Variants in HR observed in about 807,000 individuals in gnomAD.
The protein encoded by HR is HR lysine demethylase and nuclear receptor corepressor, also known as lysine-specific demethylase hairless.
HR carries 83 observed loss-of-function variants against 128.6 expected under a neutral mutation model. The observed-to-expected ratio is 0.65, with a 90% CI of 0.54 to 0.77. The LOEUF is 0.77. HR is among the 30% of genes least tolerant of loss of function. HR has a pLI of 0.00. For missense variants in HR, 1,490 were observed against 1,574.6 expected (o/e 0.95, Z 0.91); for synonymous variants, 681 against 658.2 (o/e 1.03, Z -0.53).
intron 11 of HR, 93 bp from the exon 12 acceptor site, chr8:22,120,600 CG>C: frequency 6.3e-7 from 1 of 1,589,454 alleles, no homozygotes; most frequent in Non-Finnish European, 8.5e-7. Flanking sequence ...TAGAACAGCT[CG>C]GGGACAGCCC....
intron 14 of HR, among the ~76,000 whole-genome samples, chr8:22,119,489 C>T (rs1476762060): frequency 6.6e-6 from 1 of 152,088 alleles, no homozygotes; most frequent in Non-Finnish European, 1.5e-5. Flanking sequence ...TGCCTGTAAT[C>T]CCAGCTACTC....
Position 22,124,385 on chromosome 8 carries a change from G to A in HR, c.1751-572C>T, listed in dbSNP as rs1009757162. 5.3e-5 allele frequency among the ~76,000 whole-genome samples: 8 copies of A among 152,186 alleles called. 1 individual carries two copies. Among genetic ancestry groups the A allele is most frequent in the African/African-American group, 1.9e-4 (8 of 41,442 alleles). The stretch of plus-strand genomic sequence containing the variant: ...GCTGGGATTACAGGCATGAGCCACC[G>A]CGCCCAGCCAGGAGTGGGGTTTTCT... On this transcript the variant is annotated intron_variant, in intron 5 of 18. Coordinates refer to ENST00000381418, the MANE Select transcript of HR (RefSeq NM_005144.5).
At position 22,120,469 on chromosome 8, in the gene HR, G is replaced by A; in HGVS notation, c.2649C>T (p.Gly883=). Residue 883 remains glycine, a synonymous_variant, in exon 12 of 19, where the codon GGC becomes GGT. Transcript: ENST00000381418. ...CAAGAGCTTCTGTCCCCCACAGGTT[G>A]CCCTGCAATGTCCTTTGGATCCCTG... ...LVSGIQRTLQ[G]NLWGTEALGA... The A allele has an allele frequency of 6.2e-7, 1 of 1,614,024 alleles. No individual in the cohort carries two copies. The highest frequency in any genetic ancestry group is 8.5e-7 in the Non-Finnish European group (1 of 1,180,026).
In HR at chr8:22,128,584, G is replaced by A. The variant is rs749100600; in HGVS notation, c.587C>T (p.Pro196Leu). Residue 196 changes from proline (P) to leucine (L), a missense_variant, in exon 2 of 19, where the codon CCC becomes CTC. Physicochemically the swap from Pro to Leu is moderately conservative, Grantham distance 98. Coordinates refer to ENST00000381418, the MANE Select transcript of HR (RefSeq NM_005144.5). ...WVYSGGQPKV[P>L]SAFSLGSKGF... The stretch of plus-strand genomic sequence containing the variant: ...CTTGCTGCCTAAGCTGAAGGCAGAG[G>A]GCACTTTGGGCTGGCCCCCGGAGTA... 5.6e-6 allele frequency: 9 copies of A among 1,610,418 alleles called. No homozygotes were observed. Among genetic ancestry groups the A allele is most frequent in the African/African-American group, 4.0e-5 (3 of 74,934 alleles).
intron 6 of HR, 32 bp downstream of exon 6, chr8:22,123,617 T>TTGGGGGGCGCCCCCC: frequency 3.4e-6 from 1 of 292,092 alleles, no homozygotes; most frequent in Non-Finnish European, 6.2e-6. Context: ...GAGGGCTCCA[T>TTGGGGGGCGCCCCCC]CCCGCCCTCC....
chr8:22,128,281 C>T (rs1826954108), intron 2 of HR: 3 of 568,302 alleles, frequency 5.3e-6, no homozygotes, highest in Admixed American at 3.1e-5. Flanking sequence ...ACAAGCCACA[C>T]ATTCCAAGGC....
Position 22,127,826 on chromosome 8 carries a change from A to T in HR, c.616T>A (p.Phe206Ile). ...GGAATGCTCGGATCCTTGTAGTAAAAGCCCTAAAGAGGGGAGAAAGTGTTA... is the reference window on the plus strand; with the variant it reads ...GGAATGCTCGGATCCTTGTAGTAAATGCCCTAAAGAGGGGAGAAAGTGTTA... ...PSAFSLGSKG[F>I]YYKDPSIPRL... Residue 206 changes from phenylalanine (F) to isoleucine (I), a missense_variant, in exon 3 of 19, where the codon TTT becomes ATT. Coordinates refer to ENST00000381418, the MANE Select transcript of HR (RefSeq NM_005144.5). 1 of 1,598,566 alleles carries T rather than the reference A, an allele frequency of 6.3e-7. No individual in the cohort carries two copies. The highest frequency in any genetic ancestry group is 8.5e-7 in the Non-Finnish European group (1 of 1,179,950).
chr8:22,128,829 C>G lies in HR; in HGVS notation c.342G>C (p.Ala114=), dbSNP rs780238003. The G allele has an allele frequency of 1.9e-6, 3 of 1,613,208 alleles. No individual in the cohort carries two copies. The African/African-American group carries it at 4.0e-5, about 22-fold the overall frequency. The change falls in exon 2 of 19, where the codon GCG becomes GCC. Residue 114 remains alanine, a synonymous_variant. Coordinates refer to ENST00000381418, the MANE Select transcript of HR (RefSeq NM_005144.5). The part of the protein sequence containing the change: ...LTHPLAFCGP[A]CPPRCGPLMP... ...TCAGGGGGCCACAGCGAGGTGGGCA[C>G]GCTGGCCCGCAGAATGCCAGCGGAT...
rs776726965 is a variant in HR, at chr8:22,116,353, G to A, written c.3454C>T (p.Leu1152Phe). ...SPETSALSAQ[L>F]CHQGPSLPPD... ...GGAAGGCTGGGTCCCTGGTGGCAGAGCTGAGCAGAGAGGGCAGAGGTCTCA... is the reference window on the plus strand; with the variant it reads ...GGAAGGCTGGGTCCCTGGTGGCAGAACTGAGCAGAGAGGGCAGAGGTCTCA... Residue 1152 changes from leucine to phenylalanine, a missense_variant, in exon 18 of 19, where the codon CTC (leucine) becomes TTC (phenylalanine). By Grantham distance (22) the Leu-to-Phe change is conservative. Coordinates refer to ENST00000381418, the MANE Select transcript of HR (RefSeq NM_005144.5). This position sits in a 1 kb window ranked among gnomAD's most constrained non-coding sequence, Gnocchi z 4.2. 3 of 1,613,256 alleles carry A rather than the reference G, an allele frequency of 1.9e-6. No individual in the cohort carries two copies. Among genetic ancestry groups the A allele is most frequent in the Non-Finnish European group, 8.5e-7 (1 of 1,179,944 alleles).
At position 22,125,050 on chromosome 8, in the gene HR, C is replaced by A. The variant is rs117874098; in HGVS notation, c.1750+261G>T. Among the ~76,000 whole-genome samples, 621 of 152,338 alleles carry A rather than the reference C, an allele frequency of 4.1e-3. 2 individuals are homozygous for A. The highest frequency in any genetic ancestry group is 6.9e-3 in the Non-Finnish European group (471 of 68,012). ...CTCCAGGCCCGGGAGCTTCGCCTGA[C>A]CCCCAAGCCCTCAGGAGCTCCCCCA... On this transcript the variant is annotated intron_variant, in intron 5 of 18. Coordinates refer to ENST00000381418, the MANE Select transcript of HR (RefSeq NM_005144.5).
rs907554353 is a variant in HR at position 22,127,390 on chromosome 8, C to T, written c.1052G>A (p.Gly351Asp). ...GCTGGGTTCGCTGGCTCCACTGGCA[C>T]CCCCCTCCAGGCCCTCCTGGCACTT... Reference protein sequence around the residue: ...CGKCQEGLEGGASGASEPSEE... With the variant: ...CGKCQEGLEGDASGASEPSEE... The change falls in exon 3 of 19, where the codon GGT becomes GAT. Residue 351 changes from glycine (G) to aspartate (D), a missense_variant. By Grantham distance (94) the Gly-to-Asp change is moderately conservative (BLOSUM62 -1). This residue lies in a region of HR where 1,060 missense variants were observed against 1,060.9 expected (regional missense o/e 1.00). Coordinates refer to ENST00000381418, the MANE Select transcript of HR (RefSeq NM_005144.5). 6.2e-7 allele frequency: 1 copy of T among 1,613,218 alleles called. No individual in the cohort carries two copies. The highest frequency in any genetic ancestry group is 8.5e-7 in the Non-Finnish European group (1 of 1,179,958).
intron 3 of HR, 108 bp from the exon 4 acceptor site, chr8:22,125,840 T>G: frequency 7.8e-7 from 1 of 1,281,018 alleles, no homozygotes; most frequent in Non-Finnish European, 1.1e-6. Flanking sequence ...GCCCAGTTCC[T>G]CGCCCCAGGT....
chr8:22,125,835 G>T, intron 3 of HR, 103 bp from the exon 4 acceptor site: 1 of 1,341,658 alleles, frequency 7.5e-7, no homozygotes, highest in Non-Finnish European at 1.0e-6. Context: ...AGCCAGCCCA[G>T]TTCCTCGCCC....
At position 22,127,053 on chromosome 8, in the gene HR, C is replaced by G; in HGVS notation, c.1389G>C (p.Gln463His). 6.2e-7 allele frequency: 1 copy of G among 1,612,388 alleles called. No homozygotes were observed. The highest frequency in any genetic ancestry group is 8.5e-7 in the Non-Finnish European group (1 of 1,179,748). Residue 463 changes from glutamine (Q) to histidine (H), a missense_variant, in exon 3 of 19, where the codon CAG becomes CAC. Gln to His is a conservative substitution (Grantham distance 24). Around this residue, in one of 3 missense-constraint regions of HR, gnomAD observed 1,060 missense variants for 1,060.9 expected, o/e 1.00. Coordinates refer to ENST00000381418, the MANE Select transcript of HR (RefSeq NM_005144.5). The stretch of plus-strand genomic sequence containing the variant: ...CCCCCTTACCTTTCTGCTCATCATG[C>G]TGTCCCGAGTCCACATCCTTGTTCC... ...SIGNKDVDSG[Q>H]HDEQKGPQDG...
chr8:22,125,923 G>C (rs1255976132), intron 3 of HR, among the ~76,000 whole-genome samples, 191 bp from the exon 4 acceptor site: 1 of 152,242 alleles, frequency 6.6e-6, no homozygotes, highest in African/African-American at 2.4e-5. Flanking sequence ...GCTGAGCAGG[G>C]AGTCTGAGGA....
chr8:22,123,617 T>TGTGGGGGCCCCC, intron 6 of HR, 32 bp downstream of exon 6: 2 of 292,092 alleles, frequency 6.8e-6, no homozygotes, highest in Non-Finnish European at 1.2e-5. Context: ...GAGGGCTCCA[T>TGTGGGGGCCCCC]CCCGCCCTCC....
At chr8:22,122,728 C>G (rs532716682) in intron 7 of HR, 62 bp downstream of exon 7, 1 of 1,506,706 alleles carries the variant, frequency 6.6e-7, no homozygotes, top group East Asian at 2.5e-5. Context: ...GACAATCAGA[C>G]GGGAAGCTGG....
At position 22,120,721 on chromosome 8, in the gene HR, C is replaced by T. The variant is rs1416147753; in HGVS notation, c.2605G>A (p.Gly869Ser). ...GGAGGGGAGGGGTGCCTCACCTGGCCCTGCCTCCAGTGCTCCTGGAAGAGG... is the reference window on the plus strand; with the variant it reads ...GGAGGGGAGGGGTGCCTCACCTGGCTCTGCCTCCAGTGCTCCTGGAAGAGG... ...FHLFQEHWRQ[G>S]QPVLVSGIQR... Residue 869 changes from glycine (G) to serine (S), a missense_variant, in exon 11 of 19, where the codon GGC (glycine) becomes AGC (serine). This residue lies in a region of HR where 423 missense variants were observed against 495.9 expected (regional missense o/e 0.85). Coordinates refer to ENST00000381418, the MANE Select transcript of HR (RefSeq NM_005144.5). 2 of 1,501,866 alleles carry T rather than the reference C, an allele frequency of 1.3e-6. No individual in the cohort carries two copies. Among genetic ancestry groups the T allele is most frequent in the Non-Finnish European group, 1.8e-6 (2 of 1,127,216 alleles). The allele number at this position is 1,501,866 out of a possible 1,614,324, so 93.0% of individuals were successfully genotyped here.
At chr8:22,126,500 A>G (rs1826894644) in intron 3 of HR, among the ~76,000 whole-genome samples, 1 of 152,242 alleles carries the variant, frequency 6.6e-6, no homozygotes, top group Non-Finnish European at 1.5e-5. Flanking sequence ...GCGCAGGACA[A>G]GGGATCCTTC....
Sources: allele counts gnomAD v4.1 joint callset (sites outside exome capture counted in the v4.1 genomes callset), GRCh38; gene constraint gnomAD v4.1.1; regional missense constraint gnomAD v4.1.1; non-coding constraint Gnocchi (gnomAD v3.1); transcripts MANE v1.5; gene names NCBI Gene and HGNC (gene_info 2026-07-23, HGNC 2026-07-21).